SCYGR8: variants seen among roughly 807,000 people sequenced by gnomAD.
The protein encoded by SCYGR8 is small cysteine and glycine repeat containing 8.
At chr2:227,745,932 T>C (rs1696822772) in exon 1 of SCYGR8, 2 of 413,592 alleles carry the variant, frequency 4.8e-6, no homozygotes, top group East Asian at 3.5e-5. Flanking sequence ...GTGGTGGCTG[T>C]GGTGGCTGCA....
chr2:227,745,898 G>A (rs893482717), exon 1 of SCYGR8: 2 of 409,850 alleles, frequency 4.9e-6, no homozygotes, highest in Non-Finnish European at 8.5e-6. Context: ...GACACCATGG[G>A]TTGCTGTGGG....
rs1574599836 is a variant in SCYGR8, at chr2:227,745,971, TGGCTGCGGCGGTG to T, written c.80_92del (p.Gly27ValfsTer40). The T allele has an allele frequency of 8.7e-3, 98 of 11,202 alleles. No individual in the cohort carries two copies. The East Asian group carries it at 0.33, about 38-fold the overall frequency. The allele number at this position is 11,202 out of a possible 1,614,324, so 0.7% of individuals were successfully genotyped here. A position where few individuals can be genotyped will look rare whatever the true frequency, so the allele number is the denominator to read the frequency against. On this transcript the variant is annotated frameshift_variant, in exon 1 of 1. Transcript: ENST00000641981. LOFTEE classifies it low-confidence loss of function (END_TRUNC). ...GTGGCTGTGGTGGTGGCTGCGGTGG[TGGCTGCGGCGGTG>T]GTGGCTGCGGTGGTGGCTGTGGCAG...
chr2:227,746,183 A>C, exon 1 of SCYGR8: 1 of 399,036 alleles, frequency 2.5e-6, no homozygotes, highest in African/African-American at 2.1e-5. Context: ...GGATGCTGTC[A>C]GCAGAAGTGC....
exon 1 of SCYGR8, chr2:227,745,954 G>GGCTGCA (rs1201547561): frequency 6.6e-5 from 25 of 376,928 alleles, no homozygotes; most frequent in Non-Finnish European, 1.0e-4. Context: ...TGGTGGCTGT[G>GGCTGCA]GTGGTGGCTG....
exon 1 of SCYGR8, chr2:227,745,949 G>A: frequency 2.6e-6 from 1 of 386,652 alleles, no homozygotes; most frequent in Admixed American, 4.8e-5. Flanking sequence ...TGCAGTGGTG[G>A]CTGTGGTGGT....
At position 227,745,931 on chromosome 2, in the gene SCYGR8, G is replaced by A. The variant is rs1331965255; in HGVS notation, c.38G>A (p.Cys13Tyr). ...GGGTGTGGTGGCTGCGGTGGTGGCT[G>A]TGGTGGCTGCAGTGGTGGCTGTGGT... The change falls in exon 1 of 1, where the codon TGT (cysteine) becomes TAT (tyrosine). Residue 13 changes from cysteine to tyrosine, a missense_variant. Physicochemically the swap from Cys to Tyr is radical, Grantham distance 194. Coordinates refer to ENST00000641981, the Ensembl canonical transcript of SCYGR8. The A allele has an allele frequency of 5.3e-5, 22 of 413,886 alleles. 1 individual carries two copies. The East Asian group carries it at 7.7e-4, about 15-fold the overall frequency. 25.6% of individuals were successfully genotyped at this position (413,886 alleles called of 1,614,324 possible). A position where few individuals can be genotyped will look rare whatever the true frequency, so the allele number is the denominator to read the frequency against.
exon 1 of SCYGR8, chr2:227,745,951 T>C: frequency 2.6e-6 from 1 of 385,378 alleles, no homozygotes; most frequent in Non-Finnish European, 4.5e-6. Flanking sequence ...CAGTGGTGGC[T>C]GTGGTGGTGG....
chr2:227,746,104 A>T (rs1696826823), exon 1 of SCYGR8: 1 of 398,756 alleles, frequency 2.5e-6, no homozygotes. Context: ...CACTCCCGTG[A>T]TCTGCTGCTG....
At chr2:227,746,219 A>C (rs1696829172) in exon 1 of SCYGR8, 1 of 398,748 alleles carries the variant, frequency 2.5e-6, no homozygotes, top group African/African-American at 2.1e-5. Context: ...TGCTGCTGCT[A>C]GGTGGGAACC....
exon 1 of SCYGR8, chr2:227,745,894 A>G (rs1696822178): frequency 2.4e-6 from 1 of 408,964 alleles, no homozygotes; most frequent in Non-Finnish European, 4.3e-6. Context: ...TACTGACACC[A>G]TGGGTTGCTG....
At chr2:227,746,118 C>T in exon 1 of SCYGR8, 1 of 398,924 alleles carries the variant, frequency 2.5e-6, no homozygotes, top group African/African-American at 2.1e-5. Flanking sequence ...GCTGCTGCCG[C>T]CGCACCTGCA....
Position 227,746,154 on chromosome 2 carries a change from G to C in SCYGR8, c.261G>C (p.Lys87Asn), listed in dbSNP as rs1205695550. 4 of 399,074 alleles carry C rather than the reference G, an allele frequency of 1.0e-5. No homozygotes were observed. In the East Asian group the frequency reaches 1.1e-4, roughly 11 times the overall value. 24.7% of individuals were successfully genotyped at this position (399,074 alleles called of 1,614,324 possible). The change falls in exon 1 of 1, where the codon AAG (lysine) becomes AAC (asparagine). Residue 87 changes from lysine (K) to asparagine (N), a missense_variant. Coordinates refer to ENST00000641981, the Ensembl canonical transcript of SCYGR8. ...GCTCGTGTGGCTGTGGCTATGGGAA[G>C]GGCTGTTGCCAGCAGAAGGGATGCT...
At chr2:227,746,128 A>T (rs751878197) in exon 1 of SCYGR8, 14 of 398,766 alleles carry the variant, frequency 3.5e-5, no homozygotes, top group Non-Finnish European at 5.7e-5. Context: ...CCGCACCTGC[A>T]GCTCGTGTGG....
At chr2:227,746,016 C>G in exon 1 of SCYGR8, 1 of 400,014 alleles carries the variant, frequency 2.5e-6, no homozygotes, top group Non-Finnish European at 4.4e-6. Context: ...GCAGCTGCAC[C>G]ACCTGCAGGT....
At chr2:227,746,097 T>G (rs1054905600) in exon 1 of SCYGR8, 3 of 398,802 alleles carry the variant, frequency 7.5e-6, no homozygotes, top group Non-Finnish European at 1.3e-5. Context: ...GCTGCAGCAC[T>G]CCCGTGATCT....
exon 1 of SCYGR8, chr2:227,746,121 C>CCGT (rs201741654): frequency 2.5e-6 from 1 of 398,426 alleles, no homozygotes; most frequent in Non-Finnish European, 4.4e-6. Context: ...GCTGCCGCCG[C>CCGT]ACCTGCAGCT....
rs372744377 is a variant in SCYGR8 at position 227,746,126 on chromosome 2, G to A, written c.233G>A (p.Cys78Tyr). 60 of 398,900 alleles carry A rather than the reference G, an allele frequency of 1.5e-4. 1 individual carries two copies. The highest frequency in any genetic ancestry group is 4.3e-4 in the East Asian group (12 of 28,060). 24.7% of individuals were successfully genotyped at this position (398,900 alleles called of 1,614,324 possible). Residue 78 changes from cysteine to tyrosine, a missense_variant, in exon 1 of 1, where the codon TGC (cysteine) becomes TAC (tyrosine). Coordinates refer to ENST00000641981, the Ensembl canonical transcript of SCYGR8. ...GTGATCTGCTGCTGCCGCCGCACCT[G>A]CAGCTCGTGTGGCTGTGGCTATGGG...
chr2:227,746,016 C>T (rs1696825535), exon 1 of SCYGR8: 3 of 400,014 alleles, frequency 7.5e-6, no homozygotes, highest in Non-Finnish European at 1.3e-5. Flanking sequence ...GCAGCTGCAC[C>T]ACCTGCAGGT....
chr2:227,746,058 C>T (rs1243689677), exon 1 of SCYGR8: 7 of 398,976 alleles, frequency 1.8e-5, no homozygotes, highest in South Asian at 1.3e-4. Context: ...CCAGCTGCTG[C>T]CCCTGCTGCC....
Sources: gnomAD v4.1 joint callset for allele counts on GRCh38, gnomAD v4.1.1 for gene constraint, MANE v1.5 for transcripts, NCBI Gene and HGNC (gene_info 2026-07-23, HGNC 2026-07-21) for gene names.